The following PTPRN2 variants were observed in gnomAD, a reference collection of about 807,000 sequenced individuals.
PTPRN2 encodes the protein receptor-type tyrosine-protein phosphatase N2.
PTPRN2 carries 74 observed loss-of-function variants against 118.8 expected under a neutral mutation model. That is an observed-to-expected ratio of 0.62 (90% confidence interval 0.52 to 0.76). The LOEUF is 0.76. Ranked by LOEUF, PTPRN2 falls within the 30% of genes least tolerant of loss-of-function variation. The pLI is 0.00. For missense variants in PTPRN2, 1,481 were observed against 1,394.4 expected (o/e 1.06, Z -0.99); for synonymous variants, 641 against 608.0 (o/e 1.05, Z -0.80).
At chr7:157,804,628 C>T (rs532399856) in intron 12 of PTPRN2, among the ~76,000 whole-genome samples, 66 of 152,312 alleles carry the variant, frequency 4.3e-4, no homozygotes, top group African/African-American at 1.4e-3. Context: ...TGAGGACCCA[C>T]GCGTGCACAC....
At chr7:157,558,405 T>C (rs1799014813) in intron 21 of PTPRN2, among the ~76,000 whole-genome samples, 1 of 152,180 alleles carries the variant, frequency 6.6e-6, no homozygotes, top group African/African-American at 2.4e-5. Flanking sequence ...CACACCCACA[T>C]GGGGGCCTCC....
At chr7:158,327,474 C>G (rs1348461798) in intron 2 of PTPRN2, among the ~76,000 whole-genome samples, 1 of 133,136 alleles carries the variant, frequency 7.5e-6, no homozygotes, top group Non-Finnish European at 1.7e-5. Context: ...TACACGTTCT[C>G]ACACATACAT....
intron 3 of PTPRN2, among the ~76,000 whole-genome samples, chr7:158,257,479 A>C (rs1466579005): frequency 6.6e-6 from 1 of 152,152 alleles, no homozygotes; most frequent in Non-Finnish European, 1.5e-5. Flanking sequence ...CCAGTCAGGC[A>C]TCCTGTATTC....
intron 3 of PTPRN2, among the ~76,000 whole-genome samples, chr7:158,292,776 G>C (rs1800207204): frequency 6.6e-6 from 1 of 152,284 alleles, no homozygotes; most frequent in Admixed American, 6.5e-5. Context: ...TGGTATAAAA[G>C]ATAAAAATGG....
chr7:158,576,873 G>A (rs1379899689), intron 1 of PTPRN2, among the ~76,000 whole-genome samples: 2 of 132,116 alleles, frequency 1.5e-5, no homozygotes, highest in African/African-American at 5.9e-5. Flanking sequence ...TGATGCCACA[G>A]ACAGCATGGG....
rs547720903 is a variant in PTPRN2, at chr7:157,690,143, G to A, written c.1789-7206C>T. 2.1e-3 allele frequency among the ~76,000 whole-genome samples: 323 copies of A among 152,332 alleles called. 1 individual carries two copies. The highest frequency in any genetic ancestry group is 3.4e-3 in the Non-Finnish European group (229 of 68,032). ...GTCCCGGAGGTCCTAGACTCCTTGG[G>A]GCGGTCTCTGCGGGGCGCTGGGCCA... On this transcript the variant is annotated intron_variant, in intron 12 of 22. Coordinates refer to ENST00000389418, the MANE Select transcript of PTPRN2 (RefSeq NM_002847.5). This position sits in a 1 kb window ranked among gnomAD's most constrained non-coding sequence, Gnocchi z 7.1.
intron 12 of PTPRN2, among the ~76,000 whole-genome samples, chr7:157,885,682 T>C (rs1009854231): frequency 2.0e-5 from 3 of 152,154 alleles, no homozygotes; most frequent in African/African-American, 7.2e-5. Flanking sequence ...ATTCATGGAG[T>C]ATACCAGGTG....
chr7:157,942,003 G>A (rs962514971), intron 11 of PTPRN2, among the ~76,000 whole-genome samples: 1 of 151,194 alleles, frequency 6.6e-6, no homozygotes, highest in Non-Finnish European at 1.5e-5. Context: ...TCAAATATGG[G>A]GGTCCTTAGC....
chr7:158,565,557 A>C lies in PTPRN2; in HGVS notation c.112+22001T>G, dbSNP rs946387912. On this transcript the variant is annotated intron_variant, in intron 1 of 22. Coordinates refer to ENST00000389418, the MANE Select transcript of PTPRN2 (RefSeq NM_002847.5). The surrounding 1 kb of genome is among the most constrained non-coding windows in gnomAD (Gnocchi z 4.6). Reference sequence around the variant, plus strand: ...GGTGAGAAATCTTAACTCGGACGGCAAACTTCCCGTCTGGGATCTGCAGGC... The same window carrying C: ...GGTGAGAAATCTTAACTCGGACGGCCAACTTCCCGTCTGGGATCTGCAGGC... Among the ~76,000 whole-genome samples the C allele has an allele frequency of 2.4e-4, 36 of 152,316 alleles. No homozygotes were observed. Among genetic ancestry groups the C allele is most frequent in the African/African-American group, 8.4e-4 (35 of 41,554 alleles).
intron 12 of PTPRN2, among the ~76,000 whole-genome samples, chr7:157,685,931 C>T (rs886836338): frequency 2.6e-5 from 4 of 152,092 alleles, no homozygotes; most frequent in African/African-American, 4.8e-5. Flanking sequence ...GGAGCCGCCC[C>T]AGGCCCACCT....
chr7:158,450,743 T>TCCA (rs1818043832), intron 2 of PTPRN2, among the ~76,000 whole-genome samples: 1 of 152,210 alleles, frequency 6.6e-6, no homozygotes, highest in Admixed American at 6.5e-5. Flanking sequence ...CTTCCTCTCC[T>TCCA]CCACCACCAA....
chr7:157,978,933 T>C (rs1020300683), intron 11 of PTPRN2, among the ~76,000 whole-genome samples: 7 of 152,030 alleles, frequency 4.6e-5, no homozygotes, highest in African/African-American at 1.7e-4. Context: ...GGCTGGATGT[T>C]CTTGTCTACG....
chr7:158,114,281 G>A lies in PTPRN2; in HGVS notation c.1557-3366C>T, dbSNP rs185831359. Among the ~76,000 whole-genome samples, 7 of 152,268 alleles carry A rather than the reference G, an allele frequency of 4.6e-5. No individual in the cohort carries two copies. In the East Asian group the frequency reaches 5.8e-4, roughly 13 times the overall value. On this transcript the variant is annotated intron_variant, in intron 9 of 22. Transcript: ENST00000389418. The stretch of plus-strand genomic sequence containing the variant: ...GCAGATGCCCCAGCCACCCTCCAGC[G>A]TTTCGGAGTCAGGAGGCCACAGGTC...
intron 12 of PTPRN2, among the ~76,000 whole-genome samples, chr7:157,896,300 G>T (rs1320495332): frequency 6.6e-6 from 1 of 152,170 alleles, no homozygotes; most frequent in African/African-American, 2.4e-5. Context: ...GGGAGTGCCT[G>T]GACATTACAA....
At chr7:158,404,165 T>C (rs1158312737) in intron 2 of PTPRN2, among the ~76,000 whole-genome samples, 1 of 152,190 alleles carries the variant, frequency 6.6e-6, no homozygotes, top group Non-Finnish European at 1.5e-5. Flanking sequence ...CAGGACACAC[T>C]GTGGCCCCAA....
intron 2 of PTPRN2, among the ~76,000 whole-genome samples, chr7:158,460,240 G>A (rs1373656690): frequency 6.9e-6 from 1 of 145,560 alleles, no homozygotes; most frequent in East Asian, 2.1e-4. Flanking sequence ...CTGCTACAGT[G>A]CCTGTGTGCC....
chr7:158,239,532 ACAG>A (rs1795780112), intron 3 of PTPRN2, among the ~76,000 whole-genome samples: 1 of 152,044 alleles, frequency 6.6e-6, no homozygotes, highest in African/African-American at 2.4e-5. Context: ...CCCCATTCTC[ACAG>A]CAGCAGGACC....
At chr7:158,214,167 G>T (rs569930837) in intron 3 of PTPRN2, among the ~76,000 whole-genome samples, 31 of 152,076 alleles carry the variant, frequency 2.0e-4, no homozygotes, top group Non-Finnish European at 4.0e-4. Flanking sequence ...ATATCTTGGA[G>T]AAAATATAAC....
chr7:158,542,969 G>C (rs1356856561), intron 1 of PTPRN2, among the ~76,000 whole-genome samples: 2 of 152,180 alleles, frequency 1.3e-5, no homozygotes, highest in Non-Finnish European at 2.9e-5. Context: ...CAGCTCCCAC[G>C]TCCTCACCGC....
Sources: allele counts gnomAD v4.1 joint callset (sites outside exome capture counted in the v4.1 genomes callset), GRCh38; gene constraint gnomAD v4.1.1; non-coding constraint Gnocchi (gnomAD v3.1); transcripts MANE v1.5; gene names NCBI Gene and HGNC (gene_info 2026-07-23, HGNC 2026-07-21).